Variants in CAST observed in about 807,000 individuals in gnomAD.
The protein encoded by CAST is calpastatin, also known as MIR583 host.
Under a neutral mutation model 119.6 loss-of-function variants are expected in CAST, and 76 were observed. The ratio of observed to expected loss-of-function variants is 0.64; its 90% CI spans 0.53 to 0.77. The LOEUF (loss-of-function observed/expected upper bound fraction) is 0.77, where lower values mean the gene tolerates loss of function less well. Among genes scored for constraint, CAST ranks in the 30% least tolerant of loss-of-function variants. CAST has a pLI of 0.00. For missense variants in CAST, 953 were observed against 946.5 expected (o/e 1.01, Z -0.09); for synonymous variants, 319 against 331.6 (o/e 0.96, Z 0.41).
At chr5:96,650,452 G>C (rs1365593097) in intron 1 of CAST, among the ~76,000 whole-genome samples, 1 of 152,090 alleles carries the variant, frequency 6.6e-6, no homozygotes, top group Non-Finnish European at 1.5e-5. Context: ...CAGGTTTGTT[G>C]GTTATTGAAG....
the CAST span, among the ~76,000 whole-genome samples, chr5:96,492,454 C>T: frequency 1.3e-5 from 2 of 152,102 alleles, no homozygotes; most frequent in Admixed American, 6.5e-5. Flanking sequence ...TTGCATCCAA[C>T]TCATATCAGC....
At chr5:96,360,813 G>A in the CAST span, among the ~76,000 whole-genome samples, 25 of 152,336 alleles carry the variant, frequency 1.6e-4, no homozygotes, top group African/African-American at 6.0e-4. Flanking sequence ...CAGGGGTCAG[G>A]GAGCCACTTG....
chr5:96,608,055 A>C (rs1747293639), intron 1 of CAST, among the ~76,000 whole-genome samples: 1 of 152,042 alleles, frequency 6.6e-6, no homozygotes, highest in Admixed American at 6.6e-5. Context: ...ACCAGAACTT[A>C]TTGCTCCTGT....
chr5:96,273,242 G>A, the CAST span, among the ~76,000 whole-genome samples: 1 of 152,202 alleles, frequency 6.6e-6, no homozygotes, highest in East Asian at 1.9e-4. Context: ...ATTCAAGGCT[G>A]CCAAGCTGTT....
At chr5:96,385,274 A>T in the CAST span, among the ~76,000 whole-genome samples, 1 of 152,284 alleles carries the variant, frequency 6.6e-6, no homozygotes, top group Admixed American at 6.5e-5. Context: ...AACTTCTCTC[A>T]CCCTTAAATT....
Position 96,774,428 on chromosome 5 carries a change from A to T in CAST, c.*1812A>T. The T allele has an allele frequency of 1.2e-6, 1 of 804,964 alleles. No individual in the cohort carries two copies. The highest frequency in any genetic ancestry group is 1.5e-6 in the Non-Finnish European group (1 of 663,100). 49.9% of individuals were successfully genotyped at this position (804,964 alleles called of 1,614,324 possible). On this transcript the variant is annotated 3_prime_UTR_variant, in exon 32 of 32. Transcript: ENST00000675179. ...ATAACTGGAGTAAGCTACAGGATCT[A>T]AAGCAGCCCTTTTTACAGTCTAGTT...
chr5:95,968,980 T>G, the CAST span, among the ~76,000 whole-genome samples: 1 of 152,154 alleles, frequency 6.6e-6, no homozygotes, highest in South Asian at 2.1e-4. Flanking sequence ...CATATTCAGC[T>G]CAGGGTGTTG....
the CAST span, among the ~76,000 whole-genome samples, chr5:96,091,580 A>G: frequency 2.1e-5 from 3 of 143,904 alleles, no homozygotes; most frequent in East Asian, 4.1e-4. Flanking sequence ...ATCAGGGCTC[A>G]CTGTAGCTTT....
the CAST span, among the ~76,000 whole-genome samples, chr5:96,025,070 A>T: frequency 6.6e-6 from 1 of 152,200 alleles, no homozygotes; most frequent in African/African-American, 2.4e-5. Context: ...ACTGTAATTA[A>T]TCTGAAGCTT....
the CAST span, among the ~76,000 whole-genome samples, chr5:96,375,899 CTA>C: frequency 0.02 from 2,858 of 144,652 alleles, 98 homozygotes; most frequent in African/African-American, 0.069. Flanking sequence ...CTCTCTCTCT[CTA>C]TATATATATA....
chr5:96,007,494 A>G, the CAST span, among the ~76,000 whole-genome samples: 1 of 152,170 alleles, frequency 6.6e-6, no homozygotes, highest in Non-Finnish European at 1.5e-5. Context: ...GCTATATTGA[A>G]ACTCTAACCT....
chr5:96,495,043 G>C, the CAST span, among the ~76,000 whole-genome samples: 1 of 151,164 alleles, frequency 6.6e-6, no homozygotes, highest in Admixed American at 6.6e-5. Context: ...GCTTGAACCC[G>C]GGAGGCGGAG....
the CAST span, among the ~76,000 whole-genome samples, chr5:96,186,354 G>C: frequency 6.6e-6 from 1 of 152,098 alleles, no homozygotes; most frequent in Non-Finnish European, 1.5e-5. Flanking sequence ...TCTTCTGTCT[G>C]ATTGCCCTGG....
the CAST span, among the ~76,000 whole-genome samples, chr5:96,203,170 G>C: frequency 1.3e-5 from 2 of 151,166 alleles, no homozygotes; most frequent in Admixed American, 6.6e-5. Context: ...ATAATATATC[G>C]TGATCACCTT....
At chr5:96,123,978 A>G in the CAST span, among the ~76,000 whole-genome samples, 1 of 151,978 alleles carries the variant, frequency 6.6e-6, no homozygotes, top group Non-Finnish European at 1.5e-5. Context: ...TCTTGTTTCC[A>G]TACACAATTT....
chr5:96,659,267 C>T (rs1748210308), upstream of CAST, among the ~76,000 whole-genome samples: 1 of 152,206 alleles, frequency 6.6e-6, no homozygotes, highest in Admixed American at 6.5e-5. Flanking sequence ...AAAAATGGTG[C>T]TGACAGACAT....
the CAST span, chr5:96,399,097 C>CAAGGA: frequency 8.3e-7 from 1 of 1,202,370 alleles, no homozygotes; most frequent in Non-Finnish European, 1.2e-6. Context: ...GCATTTTATG[C>CAAGGA]ATATCTGCAT....
In CAST at chr5:96,766,119, A is replaced by C; in HGVS notation, c.2104A>C (p.Arg702=). Residue 702 remains arginine (R), a synonymous_variant, in exon 27 of 32, where the codon AGA becomes CGA. Transcript: ENST00000675179. Reference sequence around the variant, plus strand: ...AGATGACACTATCCCACCTGAATACAGACATCTCCTGGATGATAATGGACA... The same window carrying C: ...AGATGACACTATCCCACCTGAATACCGACATCTCCTGGATGATAATGGACA... ...ERDDTIPPEY[R]HLLDDNGQDK... 1 of 1,608,300 alleles carries C rather than the reference A, an allele frequency of 6.2e-7. No individual in the cohort carries two copies. The highest frequency in any genetic ancestry group is 8.5e-7 in the Non-Finnish European group (1 of 1,175,214).
At chr5:96,006,995 A>G in the CAST span, among the ~76,000 whole-genome samples, 1 of 152,268 alleles carries the variant, frequency 6.6e-6, no homozygotes, top group East Asian at 1.9e-4. Context: ...AATAACCTAT[A>G]ATTTTATTTT....
Sources: gnomAD v4.1 joint callset for allele counts (sites outside exome capture counted in the v4.1 genomes callset) on GRCh38, gnomAD v4.1.1 for gene constraint, MANE v1.5 for transcripts, NCBI Gene and HGNC (gene_info 2026-07-23, HGNC 2026-07-21) for gene names.